The following GTF3C2 variants were observed in gnomAD, a reference collection of about 807,000 sequenced individuals.
GTF3C2 encodes the protein general transcription factor 3C polypeptide 2.
Under a neutral mutation model 117.4 loss-of-function variants are expected in GTF3C2, and 17 were observed. The ratio of observed to expected loss-of-function variants is 0.14; its 90% CI spans 0.10 to 0.22. GTF3C2 has a LOEUF of 0.22. Among genes scored for constraint, GTF3C2 ranks in the 10% least tolerant of loss-of-function variants. The pLI is 1.00. For missense variants in GTF3C2, 888 were observed against 1,143.6 expected, an observed-to-expected ratio of 0.78 and a Z score of 3.22; for synonymous variants, 437 against 427.0, an observed-to-expected ratio of 1.02 and a Z score of -0.29.
Position 27,343,096 on chromosome 2 carries a change from C to G in GTF3C2, c.299G>C (p.Gly100Ala), listed in dbSNP as rs150295282. Reference sequence around the variant, plus strand: ...TCGTGTCCTACCACCTCTCTTCCGGCCAGGCTTTGAGGCCCTAGGCTTTGA... The same window carrying G: ...TCGTGTCCTACCACCTCTCTTCCGGGCAGGCTTTGAGGCCCTAGGCTTTGA... The change falls in exon 3 of 19, where the codon GGC becomes GCC. Residue 100 changes from glycine (G) to alanine (A), a missense_variant. Physicochemically the swap from Gly to Ala is moderately conservative, Grantham distance 60. This residue lies in a region of GTF3C2 where 393 missense variants were observed against 401.5 expected (regional missense o/e 0.98). Coordinates refer to ENST00000264720, the Ensembl canonical transcript of GTF3C2. The G allele has an allele frequency of 1.7e-4, 277 of 1,609,788 alleles. 2 individuals are homozygous for G. The African/African-American group carries it at 3.1e-3, about 18-fold the overall frequency.
chr2:27,327,624 CTTTTTTT>C (rs918684500), intron 17 of GTF3C2, among the ~76,000 whole-genome samples: 7 of 92,596 alleles, frequency 7.6e-5, no homozygotes, highest in Admixed American at 2.1e-4. Context: ...ACGCCTGGCC[CTTTTTTT>C]TTTTTTTTTT....
chr2:27,330,669 A>C (rs1354472113), intron 12 of GTF3C2, among the ~76,000 whole-genome samples: 1 of 152,078 alleles, frequency 6.6e-6, no homozygotes, highest in African/African-American at 2.4e-5. Flanking sequence ...ACCTCTAAAA[A>C]ATAAAAAAAG....
chr2:27,343,404 T>C, exon 2 of GTF3C2: 1 of 1,613,932 alleles, frequency 6.2e-7, no homozygotes, highest in Non-Finnish European at 8.5e-7. Context: ...GGTAATGACA[T>C]CTCTACGGAA....
At chr2:27,337,787 G>A (rs1680547757) in intron 5 of GTF3C2, 139 bp downstream of exon 5, 14 of 720,084 alleles carry the variant, frequency 1.9e-5, no homozygotes, top group South Asian at 6.3e-5. Context: ...TGCCTCTAGA[G>A]CAGTGCTTTT....
At chr2:27,350,518 G>C (rs1303064269) in intron 1 of GTF3C2, 47 of 985,564 alleles carry the variant, frequency 4.8e-5, no homozygotes, top group Non-Finnish European at 5.7e-5. Context: ...TCATGTGCTG[G>C]GCTGGGCGCA....
At chr2:27,336,333 T>G in exon 8 of GTF3C2, 2 of 1,613,248 alleles carry the variant, frequency 1.2e-6, no homozygotes, top group South Asian at 2.2e-5. Flanking sequence ...TCCTGCCCCC[T>G]CTGGCACTGG....
chr2:27,330,639 G>A (rs1680244737), intron 12 of GTF3C2, among the ~76,000 whole-genome samples: 1 of 151,988 alleles, frequency 6.6e-6, no homozygotes, highest in Admixed American at 6.6e-5. Flanking sequence ...AGACCAGCCT[G>A]GGCAATATAG....
intron 1 of GTF3C2, among the ~76,000 whole-genome samples, chr2:27,346,698 A>C (rs1397157621): frequency 6.6e-6 from 1 of 151,106 alleles, no homozygotes; most frequent in Non-Finnish European, 1.5e-5. Context: ...AAATTAAAAA[A>C]AATTTTTTTT....
At chr2:27,355,951 A>G (rs1170977426) in intron 1 of GTF3C2, 1 of 503,864 alleles carries the variant, frequency 2.0e-6, no homozygotes, top group Non-Finnish European at 3.5e-6. Context: ...ATGCATTTAA[A>G]CTTTTTAAGT....
At chr2:27,337,588 G>A (rs986682145) in intron 5 of GTF3C2, 30 bp from the exon 6 acceptor site, 4 of 1,446,216 alleles carry the variant, frequency 2.8e-6, no homozygotes, top group Non-Finnish European at 3.9e-6. Context: ...ATTAATGAAG[G>A]AGAGGGATTC....
chr2:27,336,503 G>A, intron 7 of GTF3C2, 78 bp from the exon 8 acceptor site: 1 of 844,484 alleles, frequency 1.2e-6, no homozygotes, highest in South Asian at 1.5e-5. Context: ...TCCACCCAGA[G>A]CCAGTATGAA....
At chr2:27,350,349 G>C in intron 1 of GTF3C2, 1 of 924,432 alleles carries the variant, frequency 1.1e-6, no homozygotes, top group Non-Finnish European at 1.3e-6. Flanking sequence ...AGCACCTTGT[G>C]TTTTAACAAG....
intron 4 of GTF3C2, 89 bp downstream of exon 4, chr2:27,341,859 G>C (rs909380032): frequency 8.7e-7 from 1 of 1,143,070 alleles, no homozygotes. Flanking sequence ...ATAGTTACCA[G>C]GTCAAAGCTG....
intron 4 of GTF3C2, among the ~76,000 whole-genome samples, chr2:27,338,961 C>T (rs1680610894): frequency 6.6e-6 from 1 of 152,168 alleles, no homozygotes; most frequent in African/African-American, 2.4e-5. Flanking sequence ...TACCACCAAA[C>T]CCAGCTTGAC....
chr2:27,328,315 G>T, intron 16 of GTF3C2, 126 bp from the exon 17 acceptor site: 1 of 1,007,962 alleles, frequency 9.9e-7, no homozygotes, highest in Non-Finnish European at 1.5e-6. Flanking sequence ...ATGCTCAGAT[G>T]CAGTACGGTA....
chr2:27,337,111 GC>G (rs1680512690), intron 7 of GTF3C2, 132 bp downstream of exon 7: 1 of 636,966 alleles, frequency 1.6e-6, no homozygotes, highest in Non-Finnish European at 2.8e-6. Flanking sequence ...GCTCTAGTCA[GC>G]ACTCTTATTC....
intron 10 of GTF3C2, 109 bp downstream of exon 10, chr2:27,335,489 C>T: frequency 1.4e-6 from 1 of 725,930 alleles, no homozygotes; most frequent in South Asian, 1.5e-5. Flanking sequence ...CTGAGTAAGG[C>T]TTTGTGCTAA....
intron 17 of GTF3C2, 123 bp downstream of exon 17, chr2:27,327,914 C>T (rs1680140989): frequency 9.5e-6 from 7 of 735,036 alleles, no homozygotes; most frequent in Non-Finnish European, 1.5e-5. Context: ...GCATGAGCCA[C>T]TGCACCTGGC....
At chr2:27,332,382 T>C (rs917883857) in intron 12 of GTF3C2, among the ~76,000 whole-genome samples, 5 of 151,942 alleles carry the variant, frequency 3.3e-5, no homozygotes, top group Non-Finnish European at 5.9e-5. Flanking sequence ...TGAAATGATG[T>C]TCCTCACTTT....
Sources: gnomAD v4.1 joint callset for allele counts (sites outside exome capture counted in the v4.1 genomes callset) on GRCh38, gnomAD v4.1.1 for gene constraint, gnomAD v4.1.1 regional missense constraint, MANE v1.5 for transcripts, NCBI Gene and HGNC (gene_info 2026-07-23, HGNC 2026-07-21) for gene names.